PCDH15: variants seen among roughly 807,000 people sequenced by gnomAD.
The protein encoded by PCDH15 is protocadherin-15.
A neutral mutation model predicts 178.5 loss-of-function variants in PCDH15; 129 were observed. That is an observed-to-expected ratio of 0.72 (90% CI 0.63 to 0.84). The LOEUF (loss-of-function observed/expected upper bound fraction) is 0.84, where lower values mean the gene tolerates loss of function less well. Ranked by LOEUF, PCDH15 falls within the 40% of genes least tolerant of loss-of-function variation. The probability of loss-of-function intolerance (pLI) is 0.00; values close to 1 mark genes in which losing one functional copy is unlikely to be tolerated. For missense variants in PCDH15, 2,230 were observed against 2,099.9 expected, an observed-to-expected ratio of 1.06 and a Z score of -1.21; for synonymous variants, 800 against 732.0, an observed-to-expected ratio of 1.09 and a Z score of -1.50.
intron 2 of PCDH15, among the ~76,000 whole-genome samples, chr10:54,635,300 T>A (rs1418856332): frequency 1.3e-5 from 2 of 151,648 alleles, no homozygotes; most frequent in East Asian, 1.9e-4. Context: ...TAGCTGAGAT[T>A]TGCTTCAAAA....
rs115911747 is a variant in PCDH15 at position 54,562,507 on chromosome 10, C to A, written c.92-34630G>T. ...AAAGGTCTCTCATGGCATACAAAGT[C>A]ATGTGATACACAGTAGCACACCTCA... On this transcript the variant is annotated intron_variant, in intron 2 of 37. Transcript: ENST00000644397. Among the ~76,000 whole-genome samples the A allele has an allele frequency of 7.7e-3, 1,173 of 152,184 alleles. 13 individuals are homozygous for A. The highest frequency in any genetic ancestry group is 0.024 in the African/African-American group (1,016 of 41,528).
At chr10:53,949,119 T>C (rs1022580964) in intron 23 of PCDH15, among the ~76,000 whole-genome samples, 5 of 152,196 alleles carry the variant, frequency 3.3e-5, no homozygotes, top group Non-Finnish European at 7.3e-5. Context: ...AATGCCAAAA[T>C]GTGTATAACC....
chr10:54,232,389 C>A (rs564753692), intron 9 of PCDH15, among the ~76,000 whole-genome samples: 2 of 152,280 alleles, frequency 1.3e-5, no homozygotes, highest in South Asian at 4.1e-4. Context: ...GCCACTTAAA[C>A]CTATTTTTAT....
chr10:53,850,407 C>A (rs192121574), intron 28 of PCDH15, among the ~76,000 whole-genome samples: 1 of 151,890 alleles, frequency 6.6e-6, no homozygotes, highest in East Asian at 1.9e-4. Context: ...TCATAATTAA[C>A]CTAATGAGTT....
intron 2 of PCDH15, among the ~76,000 whole-genome samples, chr10:55,576,883 A>G (rs1364142287): frequency 6.6e-6 from 1 of 152,210 alleles, no homozygotes; most frequent in Non-Finnish European, 1.5e-5. Context: ...TGTAATGTCA[A>G]ACTATGTATG....
intron 3 of PCDH15, among the ~76,000 whole-genome samples, chr10:54,867,586 T>G (rs1168307757): frequency 6.6e-6 from 1 of 152,144 alleles, no homozygotes; most frequent in Non-Finnish European, 1.5e-5. Flanking sequence ...AAATCTTTTA[T>G]TTTCAAGAAG....
At chr10:54,642,893 A>G (rs2094024331) in intron 2 of PCDH15, among the ~76,000 whole-genome samples, 1 of 152,142 alleles carries the variant, frequency 6.6e-6, no homozygotes, top group African/African-American at 2.4e-5. Context: ...TAACTCTCCA[A>G]TGTAAAGAAG....
At chr10:55,192,143 T>A (rs1057468275) in intron 1 of PCDH15, among the ~76,000 whole-genome samples, 3 of 151,856 alleles carry the variant, frequency 2.0e-5, no homozygotes, top group African/African-American at 7.3e-5. Flanking sequence ...GGCACTCCAC[T>A]TCATTAGCTA....
chr10:54,418,228 A>G (rs72788684), intron 3 of PCDH15, among the ~76,000 whole-genome samples: 42,782 of 152,080 alleles, frequency 0.28, 7,452 homozygotes, highest in Middle Eastern at 0.41. Flanking sequence ...CTGATGTTTC[A>G]TCCTTTGTAC....
At chr10:55,518,603 C>T (rs991962907) in intron 2 of PCDH15, among the ~76,000 whole-genome samples, 3 of 151,912 alleles carry the variant, frequency 2.0e-5, no homozygotes, top group South Asian at 2.1e-4. Flanking sequence ...AGTAAAACAG[C>T]GGGCCTTAAT....
intron 2 of PCDH15, among the ~76,000 whole-genome samples, chr10:55,364,963 TA>T (rs1357894276): frequency 8.5e-5 from 13 of 152,284 alleles, no homozygotes; most frequent in African/African-American, 2.9e-4. Context: ...ATTGGTTCTT[TA>T]AAAAAATTAT....
At chr10:55,555,696 A>G (rs1484897177) in intron 2 of PCDH15, among the ~76,000 whole-genome samples, 1 of 152,122 alleles carries the variant, frequency 6.6e-6, no homozygotes. Flanking sequence ...TCTTTGAATG[A>G]CATGTTAGAA....
At chr10:54,073,215 T>C (rs978157243) in intron 17 of PCDH15, among the ~76,000 whole-genome samples, 6 of 150,748 alleles carry the variant, frequency 4.0e-5, no homozygotes, top group African/African-American at 1.5e-4. Context: ...AAAGTATTTA[T>C]AGTATACCTG....
chr10:54,568,438 G>A (rs1161046184), intron 2 of PCDH15: 1 of 151,966 alleles, frequency 6.6e-6, no homozygotes. Context: ...TCAAAAAATG[G>A]ACTTTGTAGA....
chr10:55,331,991 A>C (rs1241823841), intron 2 of PCDH15, among the ~76,000 whole-genome samples: 1 of 152,120 alleles, frequency 6.6e-6, no homozygotes, highest in Non-Finnish European at 1.5e-5. Context: ...GTACATCAAA[A>C]CTGGCTGCCA....
chr10:55,184,679 C>A, intron 1 of PCDH15, among the ~76,000 whole-genome samples: 1 of 152,018 alleles, frequency 6.6e-6, no homozygotes, highest in South Asian at 2.1e-4. Context: ...AGATTTAACA[C>A]ATACAGCTGT....
At chr10:55,292,855 A>G (rs1388868379) in intron 1 of PCDH15, among the ~76,000 whole-genome samples, 1 of 152,184 alleles carries the variant, frequency 6.6e-6, no homozygotes, top group Non-Finnish European at 1.5e-5. Flanking sequence ...TAGTGTCTGA[A>G]GCTTTTCCAG....
chr10:54,803,334 T>G (rs1446282212), upstream of PCDH15, among the ~76,000 whole-genome samples: 1 of 152,172 alleles, frequency 6.6e-6, no homozygotes. Flanking sequence ...TTTTGACAGA[T>G]AGTTTCTAAT....
chr10:54,718,080 G>C (rs2095502659), intron 1 of PCDH15, among the ~76,000 whole-genome samples: 1 of 149,796 alleles, frequency 6.7e-6, no homozygotes, highest in Non-Finnish European at 1.5e-5. Context: ...GTGGACACAG[G>C]AGGGTGAACA....
Sources: gnomAD v4.1 joint callset for allele counts (sites outside exome capture counted in the v4.1 genomes callset) on GRCh38, gnomAD v4.1.1 for gene constraint, MANE v1.5 for transcripts, NCBI Gene and HGNC (gene_info 2026-07-23, HGNC 2026-07-21) for gene names.